The following ZFR2 variants were observed in gnomAD, a reference collection of about 807,000 sequenced individuals.
ZFR2 encodes the protein zinc finger RNA binding protein 2.
A neutral mutation model predicts 105.7 loss-of-function variants in ZFR2; 104 were observed. That is an observed-to-expected ratio of 0.98 (90% CI 0.84 to 1.16). The LOEUF is 1.16. Ranked by LOEUF, ZFR2 falls within the 50% of genes most tolerant of loss-of-function variation. The pLI, the probability that ZFR2 is intolerant of heterozygous loss-of-function variation, is 0.00. For synonymous variants in ZFR2, 634 were observed against 597.7 expected (o/e 1.06, Z -0.89); for missense variants, 1,425 against 1,355.5 (o/e 1.05, Z -0.80).
intron 11 of ZFR2, 86 bp downstream of exon 11, chr19:3,820,096 G>T (rs1055715288): frequency 1.5e-6 from 2 of 1,340,516 alleles, no homozygotes; most frequent in Admixed American, 2.0e-5. Context: ...GGAGTTGGGG[G>T]GAGGCCGGGT....
intron 1 of ZFR2, 129 bp downstream of exon 1, chr19:3,868,836 G>A: frequency 1.3e-6 from 1 of 798,678 alleles, no homozygotes; most frequent in Non-Finnish European, 1.7e-6. Context: ...CTTCCCTCAG[G>A]CCGGGGTTCC....
At chr19:3,842,810 A>C (rs1233497880) in intron 1 of ZFR2, among the ~76,000 whole-genome samples, 1 of 151,892 alleles carries the variant, frequency 6.6e-6, no homozygotes. Flanking sequence ...TTTTTAGTAG[A>C]GATGGGGTTT....
intron 1 of ZFR2, among the ~76,000 whole-genome samples, chr19:3,844,013 T>TGGCG (rs1555757818): frequency 5.8e-5 from 2 of 34,744 alleles, no homozygotes; most frequent in South Asian, 9.7e-4. Flanking sequence ...AAGTAGGATG[T>TGGCG]GGGGGGGGGG....
rs139209106 is a variant in ZFR2 at position 3,839,950 on chromosome 19, C to T, written c.54-4967G>A. Among the ~76,000 whole-genome samples the T allele has an allele frequency of 4.5e-4, 69 of 152,154 alleles. 1 individual carries two copies. The East Asian group carries it at 0.013, about 29-fold the overall frequency. ...TTCACTGCAGCCTCTAACTCCTGGGCTCCGTATGAATCTGTATACAACACG... is the reference window on the plus strand; with the variant it reads ...TTCACTGCAGCCTCTAACTCCTGGGTTCCGTATGAATCTGTATACAACACG... On this transcript the variant is annotated intron_variant, in intron 1 of 18. Transcript: ENST00000262961.
intron 1 of ZFR2, among the ~76,000 whole-genome samples, chr19:3,844,389 A>G (rs1472962274): frequency 6.6e-6 from 1 of 150,964 alleles, no homozygotes; most frequent in African/African-American, 2.4e-5. Context: ...TTTTTTTGAG[A>G]CAGAATCTTG....
rs1337304719 is a variant in ZFR2, at chr19:3,838,278, T to C, written c.54-3295A>G. Among the ~76,000 whole-genome samples the C allele has an allele frequency of 2.6e-5, 4 of 152,204 alleles. No individual in the cohort carries two copies. In the East Asian group the frequency reaches 7.7e-4, roughly 29 times the overall value. ...GACTATGGACACTGAATGAACAGCA[T>C]GACTACAGACACCTGATGAACACTA... On this transcript the variant is annotated intron_variant, in intron 1 of 18. Coordinates refer to ENST00000262961, the MANE Select transcript of ZFR2 (RefSeq NM_015174.2). This position sits in a 1 kb window ranked among gnomAD's most constrained non-coding sequence, Gnocchi z 4.9.
chr19:3,830,973 G>GCA (rs199859043), intron 5 of ZFR2, among the ~76,000 whole-genome samples: 75 of 145,460 alleles, frequency 5.2e-4, no homozygotes, highest in African/African-American at 1.7e-3. Context: ...GCACACACAT[G>GCA]CACACACATA....
chr19:3,825,367 G>A lies in ZFR2; in HGVS notation c.1076C>T (p.Thr359Ile). 1 of 1,590,482 alleles carries A rather than the reference G, an allele frequency of 6.3e-7. No individual in the cohort carries two copies. Among genetic ancestry groups the A allele is most frequent in the Non-Finnish European group, 8.5e-7 (1 of 1,170,780 alleles). The change falls in exon 7 of 19, where the codon ACC becomes ATC. Residue 359 changes from threonine (T) to isoleucine (I), a missense_variant. Thr to Ile is a moderately conservative substitution (Grantham distance 89). Coordinates refer to ENST00000262961, the MANE Select transcript of ZFR2 (RefSeq NM_015174.2). ...LHAKLGKPIPTLEPALATESP... is the reference protein window; with the variant it reads ...LHAKLGKPIPILEPALATESP... ...CTCTGTGGCCAGTGCAGGCTCGAGG[G>A]TGGGAATGGGCTTCCCCAGTTTGGC...
At position 3,831,793 on chromosome 19, in the gene ZFR2, G is replaced by A. The variant is rs373299460; in HGVS notation, c.465C>T (p.Ser155=). The A allele has an allele frequency of 1.7e-5, 27 of 1,610,156 alleles. 1 individual carries two copies. The highest frequency in any genetic ancestry group is 6.7e-5 in the African/African-American group (5 of 74,978). ...AGGACAAGGTGCTCGCTGGCTGTCC[G>A]GACTCCACTATGGGCGCCTGCTGTG... The part of the protein sequence containing the change: ...QPPQQAPIVE[S]GQPASTLSSG... Residue 155 remains serine (S), a synonymous_variant, in exon 4 of 19, where the codon TCC becomes TCT. Coordinates refer to ENST00000262961, the MANE Select transcript of ZFR2 (RefSeq NM_015174.2).
At position 3,833,741 on chromosome 19, in the gene ZFR2, C is replaced by T. The variant is rs1203982140; in HGVS notation, c.302G>A (p.Ser101Asn). ...YSYGQSAAAR[S>N]YEDRPYFQSA... is the part of the protein sequence containing the mutation. ...CTGGAAGTACGGCCTGTCCTCATAG[C>T]TCCTGGCAGCTGCTGACTGTCCGTA... Residue 101 changes from serine to asparagine, a missense_variant, in exon 3 of 19, where the codon AGC becomes AAC. Ser to Asn is a conservative substitution (Grantham distance 46). Coordinates refer to ENST00000262961, the MANE Select transcript of ZFR2 (RefSeq NM_015174.2). 1 of 1,582,730 alleles carries T rather than the reference C, an allele frequency of 6.3e-7. No individual in the cohort carries two copies. Among genetic ancestry groups the T allele is most frequent in the Non-Finnish European group, 8.6e-7 (1 of 1,164,050 alleles).
chr19:3,866,940 C>A (rs748507030), intron 1 of ZFR2, among the ~76,000 whole-genome samples: 16 of 152,218 alleles, frequency 1.1e-4, no homozygotes, highest in Non-Finnish European at 2.1e-4. Context: ...GAAACCACTC[C>A]GAGTGCAGGA....
rs1034793071 is a variant in ZFR2, at chr19:3,838,089, G to A, written c.54-3106C>T. On this transcript the variant is annotated intron_variant, in intron 1 of 18. Coordinates refer to ENST00000262961, the MANE Select transcript of ZFR2 (RefSeq NM_015174.2). This position sits in a 1 kb window ranked among gnomAD's most constrained non-coding sequence, Gnocchi z 4.9. ...GTGATGAACACCATGACCGTGACAC[G>A]CGATGAACACCGTGACCGTGACACT... Among the ~76,000 whole-genome samples, 2 of 127,412 alleles carry A rather than the reference G, an allele frequency of 1.6e-5. No homozygotes were observed. Among genetic ancestry groups the A allele is most frequent in the East Asian group, 2.4e-4 (1 of 4,084 alleles). The allele number at this position is 127,412 out of a possible 152,430, so 83.6% of individuals were successfully genotyped here. A position where few individuals can be genotyped will look rare whatever the true frequency, so the allele number is the denominator to read the frequency against.
In ZFR2 at chr19:3,834,876, G is replaced by T. The variant is rs778392661; in HGVS notation, c.161C>A (p.Pro54Gln). Reference sequence around the variant, plus strand: ...GGGCTGGTATCCACCGTACCCTGCCGGGGCAGCTGGGGGAAAGGCCGGGTT... The same window carrying T: ...GGGCTGGTATCCACCGTACCCTGCCTGGGCAGCTGGGGGAAAGGCCGGGTT... ...AVNPAFPPAA[P>Q]AGYGGYQPHS... The change falls in exon 2 of 19, where the codon CCG becomes CAG. Residue 54 changes from proline (P) to glutamine (Q), a missense_variant. Pro to Gln is a moderately conservative substitution (Grantham distance 76). Transcript: ENST00000262961. The surrounding 1 kb of genome is among the most constrained non-coding windows in gnomAD (Gnocchi z 5.3). The T allele has an allele frequency of 1.2e-6, 2 of 1,611,438 alleles. No individual in the cohort carries two copies. Among genetic ancestry groups the T allele is most frequent in the Non-Finnish European group, 1.7e-6 (2 of 1,179,028 alleles).
intron 1 of ZFR2, among the ~76,000 whole-genome samples, chr19:3,867,007 T>C (rs1221069568): frequency 6.6e-6 from 1 of 152,160 alleles, no homozygotes. Flanking sequence ...GTGGTTTCTC[T>C]TTGTGATTCC....
At chr19:3,824,335 G>T (rs1180795137) in intron 7 of ZFR2, among the ~76,000 whole-genome samples, 2 of 152,158 alleles carry the variant, frequency 1.3e-5, no homozygotes, top group Non-Finnish European at 2.9e-5. Context: ...AAAAAGAGTT[G>T]TCGTGGAGGT....
rs1289235175 is a variant in ZFR2 at position 3,810,748 on chromosome 19, A to T, written c.2433+2T>A. The T allele has an allele frequency of 6.5e-7, 1 of 1,548,856 alleles. No homozygotes were observed. Among genetic ancestry groups the T allele is most frequent in the African/African-American group, 1.4e-5 (1 of 72,992 alleles). On this transcript the variant is annotated splice_donor_variant, in intron 16 of 18. Transcript: ENST00000262961. LOFTEE classifies it high-confidence loss of function. ...GGGCCGGGCCGCCAGGCACTGCCTTACCCAGGCTGGCAGGGCCCCCCAGGT... is the reference window on the plus strand; with the variant it reads ...GGGCCGGGCCGCCAGGCACTGCCTTTCCCAGGCTGGCAGGGCCCCCCAGGT...
At chr19:3,863,534 C>T (rs1005152214) in intron 1 of ZFR2, among the ~76,000 whole-genome samples, 1 of 152,162 alleles carries the variant, frequency 6.6e-6, no homozygotes, top group Non-Finnish European at 1.5e-5. Context: ...CTCAAGCAAT[C>T]CTCCCTCCTC....
intron 1 of ZFR2, among the ~76,000 whole-genome samples, chr19:3,867,703 G>A (rs1271595207): frequency 1.3e-5 from 2 of 151,904 alleles, no homozygotes; most frequent in Admixed American, 1.3e-4. Flanking sequence ...CCTCTTATTT[G>A]ACCTCAGGAC....
chr19:3,857,638 G>A (rs747127354), intron 1 of ZFR2, among the ~76,000 whole-genome samples: 3 of 149,446 alleles, frequency 2.0e-5, no homozygotes, highest in Non-Finnish European at 3.0e-5. Flanking sequence ...GGAGGTTGCT[G>A]TGAGCCGAGA....
Sources: gnomAD v4.1 joint callset for allele counts (sites outside exome capture counted in the v4.1 genomes callset) on GRCh38, gnomAD v4.1.1 for gene constraint, Gnocchi (gnomAD v3.1) non-coding constraint, MANE v1.5 for transcripts, NCBI Gene and HGNC (gene_info 2026-07-23, HGNC 2026-07-21) for gene names.